Variants in FUBP3 observed in about 807,000 individuals in gnomAD.
FUBP3 encodes the protein far upstream element binding protein 3.
A neutral mutation model predicts 85.6 loss-of-function variants in FUBP3; 28 were observed. The observed-to-expected ratio is 0.33, with a 90% confidence interval of 0.24 to 0.45. The LOEUF (loss-of-function observed/expected upper bound fraction) is 0.45. Ranked by LOEUF, FUBP3 falls within the 20% of genes least tolerant of loss-of-function variation. FUBP3 has a pLI of 1.00. For missense variants in FUBP3, 583 were observed against 755.1 expected (o/e 0.77, Z 2.67); for synonymous variants, 271 against 271.4 (o/e 1.00, Z 0.01).
rs777909187 is a variant in FUBP3 at position 130,634,629 on chromosome 9, G to T, written c.1511-38G>T. ...CGGGCTGGGGCCGAGGCTGTGAGGA[G>T]CCCGTAAGGCCTGACTGCTTTTGTG... On this transcript the variant is annotated intron_variant, in intron 16 of 18. Coordinates refer to ENST00000319725, the MANE Select transcript of FUBP3 (RefSeq NM_003934.2). The T allele has an allele frequency of 1.1e-5, 17 of 1,580,520 alleles. No homozygotes were observed. In the South Asian group the frequency reaches 1.7e-4, roughly 16 times the overall value.
rs879877267 is a variant in FUBP3, at chr9:130,624,647, GTGTGTT to G, written c.975+938_975+943del. 8.8e-3 allele frequency among the ~76,000 whole-genome samples: 1,267 copies of G among 144,172 alleles called. 20 individuals carry two copies. Among genetic ancestry groups the G allele is most frequent in the African/African-American group, 0.031 (1,199 of 39,080 alleles). The allele number at this position is 144,172 out of a possible 152,430, so 94.6% of individuals were successfully genotyped here. On this transcript the variant is annotated intron_variant, in intron 11 of 18. Transcript: ENST00000319725. ...TGTGTGTGTGTGTGTGTGTGTGTGTGTGTGTTTTTAAGCTCATCAGCTATCATTAAT... is the reference window on the plus strand; with the variant it reads ...TGTGTGTGTGTGTGTGTGTGTGTGTGTTTAAGCTCATCAGCTATCATTAAT...
chr9:130,613,265 G>A (rs1831841746), intron 5 of FUBP3, among the ~76,000 whole-genome samples: 1 of 152,224 alleles, frequency 6.6e-6, no homozygotes, highest in African/African-American at 2.4e-5. Flanking sequence ...GGCCAGACAT[G>A]GCCCCTTCCC....
chr9:130,634,570 AG>A (rs1421954964), intron 16 of FUBP3, 96 bp from the exon 17 acceptor site: 3 of 911,266 alleles, frequency 3.3e-6, no homozygotes, highest in Non-Finnish European at 5.1e-6. Flanking sequence ...GCCAGGAGCG[AG>A]GTGGAGGAGT....
At chr9:130,595,124 G>C (rs1302040069) in intron 1 of FUBP3, among the ~76,000 whole-genome samples, 3 of 150,878 alleles carry the variant, frequency 2.0e-5, no homozygotes, top group Non-Finnish European at 2.9e-5. Flanking sequence ...TACTTGGGAA[G>C]TCGAGACAGG....
At chr9:130,597,810 C>T (rs572002937) in intron 2 of FUBP3, among the ~76,000 whole-genome samples, 125 of 152,288 alleles carry the variant, frequency 8.2e-4, no homozygotes, top group Middle Eastern at 3.4e-3. Flanking sequence ...AGCTGTAATA[C>T]AGAATGTAAG....
At position 130,612,525 on chromosome 9, in the gene FUBP3, A is replaced by G. The variant is rs768832971; in HGVS notation, c.274+20A>G. On this transcript the variant is annotated intron_variant, in intron 4 of 18. Transcript: ENST00000319725. This position sits in a 1 kb window ranked among gnomAD's most constrained non-coding sequence, Gnocchi z 4.1. The stretch of plus-strand genomic sequence containing the variant: ...GATTTAGTAAGTATCCATGTTGTCT[A>G]CTTTTTCCCTGATTCCTGTCTCTTC... 1.2e-5 allele frequency: 17 copies of G among 1,463,078 alleles called. No homozygotes were observed. In the South Asian group the frequency reaches 1.3e-4, roughly 11 times the overall value. The allele number at this position is 1,463,078 out of a possible 1,614,324, so 90.6% of individuals were successfully genotyped here. A position where few individuals can be genotyped will look rare whatever the true frequency, so the allele number is the denominator to read the frequency against.
intron 18 of FUBP3, 32 bp from the exon 19 acceptor site, chr9:130,636,982 A>G (rs2119135140): frequency 6.2e-7 from 1 of 1,608,504 alleles, no homozygotes; most frequent in Non-Finnish European, 8.5e-7. Context: ...ACCTGCCATC[A>G]CAGACTAATT....
chr9:130,586,738 G>GAAGC (rs1488370528), intron 1 of FUBP3, among the ~76,000 whole-genome samples: 1 of 142,560 alleles, frequency 7.0e-6, no homozygotes, highest in Admixed American at 7.3e-5. Flanking sequence ...TGAGGTGGCT[G>GAAGC]AAGCAGCAAT....
chr9:130,584,705 C>T (rs893403456), intron 1 of FUBP3, among the ~76,000 whole-genome samples: 7 of 150,010 alleles, frequency 4.7e-5, no homozygotes, highest in Admixed American at 3.3e-4. Flanking sequence ...CCCGTCTCTA[C>T]TAAAAATACA....
At chr9:130,609,851 CCTTT>C in intron 2 of FUBP3, 99 bp from the exon 3 acceptor site, 2 of 859,772 alleles carry the variant, frequency 2.3e-6, no homozygotes, top group Non-Finnish European at 1.9e-6. Context: ...TTTCTTTCTG[CCTTT>C]CTTTTCCACC....
chr9:130,596,652 A>G, intron 2 of FUBP3: 1 of 447,748 alleles, frequency 2.2e-6, no homozygotes. Flanking sequence ...ATGAGCCACC[A>G]TGCCTCCTAG....
In FUBP3 at chr9:130,635,378, AAG is replaced by A. The variant is rs1830377344; in HGVS notation, c.1583-618_1583-617del. 6.6e-6 allele frequency among the ~76,000 whole-genome samples: 1 copy of A among 152,226 alleles called. No homozygotes were observed. Among genetic ancestry groups the A allele is most frequent in the African/African-American group, 2.4e-5 (1 of 41,458 alleles). On this transcript the variant is annotated intron_variant, in intron 17 of 18. Transcript: ENST00000319725. The surrounding 1 kb of genome is among the most constrained non-coding windows in gnomAD (Gnocchi z 4.3). ...GACCGGAGGACTGAGGGCTTGTTTA[AAG>A]AGGTATCTCACGTGCCTTGTGTTTG...
intron 3 of FUBP3, among the ~76,000 whole-genome samples, chr9:130,611,827 T>C (rs1220010296): frequency 6.7e-6 from 1 of 150,204 alleles, no homozygotes; most frequent in East Asian, 1.9e-4. Context: ...AGGCACATAA[T>C]GGATGGGATA....
At chr9:130,594,994 A>AG (rs1474066499) in intron 1 of FUBP3, among the ~76,000 whole-genome samples, 4 of 151,862 alleles carry the variant, frequency 2.6e-5, no homozygotes, top group African/African-American at 7.3e-5. Context: ...TGAGAGGCCA[A>AG]GGGGGGCAGA....
Position 130,636,015 on chromosome 9 carries a change from T to C in FUBP3, c.1599T>C (p.Ala533=), listed in dbSNP as rs186079617. ...YYKKQSHAAS[A]APQASSPPDY... ...GTCAACCAGGTCACGCCGCCAGCGC[T>C]GCTCCTCAGGCCAGCTCCCCACCGG... Residue 533 remains alanine, a synonymous_variant, in exon 18 of 19, where the codon GCT becomes GCC. Coordinates refer to ENST00000319725, the MANE Select transcript of FUBP3 (RefSeq NM_003934.2). 6.2e-7 allele frequency: 1 copy of C among 1,613,878 alleles called. No homozygotes were observed. The highest frequency in any genetic ancestry group is 8.5e-7 in the Non-Finnish European group (1 of 1,179,972).
intron 1 of FUBP3, chr9:130,580,763 T>G (rs1183626407): frequency 6.6e-6 from 1 of 152,222 alleles, no homozygotes; most frequent in Non-Finnish European, 1.5e-5. Context: ...ACCCTACCTG[T>G]TTCCCTGATA....
intron 1 of FUBP3, among the ~76,000 whole-genome samples, chr9:130,589,164 A>G (rs1020144118): frequency 1.3e-5 from 2 of 152,068 alleles, no homozygotes; most frequent in African/African-American, 4.8e-5. Context: ...TTGGATTTAT[A>G]AGGTGACCTA....
rs2119072372 is a variant in FUBP3, at chr9:130,612,560, CTT to C, written c.274+61_274+62del. ...TGATTCCTGTCTCTTCTTTTTCTCT[CTT>C]TTTTTCTGAGCTGCTTTGCCAGGAT... is the stretch of plus-strand genomic sequence containing the variant. On this transcript the variant is annotated intron_variant, in intron 4 of 18. Coordinates refer to ENST00000319725, the MANE Select transcript of FUBP3 (RefSeq NM_003934.2). This position sits in a 1 kb window ranked among gnomAD's most constrained non-coding sequence, Gnocchi z 4.1. 9.0e-7 allele frequency: 1 copy of C among 1,107,416 alleles called. No homozygotes were observed. The highest frequency in any genetic ancestry group is 1.4e-6 in the Non-Finnish European group (1 of 724,140). The allele number at this position is 1,107,416 out of a possible 1,614,324, so 68.6% of individuals were successfully genotyped here.
At chr9:130,614,223 C>T (rs1831889172) in intron 5 of FUBP3, 65 bp from the exon 6 acceptor site, 4 of 1,007,510 alleles carry the variant, frequency 4.0e-6, no homozygotes, top group Non-Finnish European at 6.3e-6. Context: ...GAGAGCCTTA[C>T]AGAGGCAGAG....
Sources: allele counts gnomAD v4.1 joint callset (sites outside exome capture counted in the v4.1 genomes callset), GRCh38; gene constraint gnomAD v4.1.1; non-coding constraint Gnocchi (gnomAD v3.1); transcripts MANE v1.5; gene names NCBI Gene and HGNC (gene_info 2026-07-23, HGNC 2026-07-21).